Variants in CFAP299 observed in about 807,000 individuals in gnomAD.
CFAP299 encodes the protein cilia and flagella associated protein 299, also known as cilia- and flagella-associated protein 299.
A neutral mutation model predicts 27.0 loss-of-function variants in CFAP299; 21 were observed. The ratio of observed to expected loss-of-function variants is 0.78; its 90% CI spans 0.55 to 1.12. CFAP299 has a LOEUF of 1.12. CFAP299 is among the 50% of genes most tolerant of loss of function. The pLI, the probability that CFAP299 is intolerant of heterozygous loss-of-function variation, is 0.00. For missense variants in CFAP299, 310 were observed against 276.6 expected, an observed-to-expected ratio of 1.12 and a Z score of -0.86; for synonymous variants, 104 against 98.1, an observed-to-expected ratio of 1.06 and a Z score of -0.36.
At chr4:80,765,327 G>C (rs1478177179) in intron 3 of CFAP299, among the ~76,000 whole-genome samples, 4 of 152,122 alleles carry the variant, frequency 2.6e-5, no homozygotes, top group Admixed American at 6.5e-5. Flanking sequence ...TTTATTCAGA[G>C]ATGATATCCA....
At chr4:80,408,037 C>T (rs956833841) in intron 2 of CFAP299, among the ~76,000 whole-genome samples, 3 of 152,144 alleles carry the variant, frequency 2.0e-5, no homozygotes, top group African/African-American at 4.8e-5. Flanking sequence ...CATAGAGTCT[C>T]ACATTTTCTT....
At chr4:80,349,585 A>G (rs1367998935) in intron 1 of CFAP299, among the ~76,000 whole-genome samples, 1 of 152,210 alleles carries the variant, frequency 6.6e-6, no homozygotes, top group Non-Finnish European at 1.5e-5. Flanking sequence ...CCAAGAATAT[A>G]TTAAGAAATA....
At chr4:80,497,328 A>G (rs1731503063) in intron 2 of CFAP299, among the ~76,000 whole-genome samples, 2 of 152,226 alleles carry the variant, frequency 1.3e-5, no homozygotes, top group African/African-American at 4.8e-5. Flanking sequence ...TTTGGTAACT[A>G]GCAAATGACT....
chr4:80,374,244 G>A (rs568176271), intron 2 of CFAP299, among the ~76,000 whole-genome samples: 1 of 152,134 alleles, frequency 6.6e-6, no homozygotes, highest in Non-Finnish European at 1.5e-5. Flanking sequence ...CTAGTCCAAT[G>A]AGTCCCTCTA....
chr4:80,570,084 C>G (rs1393989181), intron 2 of CFAP299, among the ~76,000 whole-genome samples: 2 of 151,818 alleles, frequency 1.3e-5, no homozygotes, highest in Non-Finnish European at 2.9e-5. Flanking sequence ...AAGACAGATA[C>G]ATAAAAACTG....
chr4:80,349,833 T>C (rs1578341618), intron 1 of CFAP299, among the ~76,000 whole-genome samples: 1 of 152,198 alleles, frequency 6.6e-6, no homozygotes, highest in African/African-American at 2.4e-5. Flanking sequence ...ATGATAAAAA[T>C]GGTTGCTACT....
At chr4:80,930,188 A>G (rs1736545852) in intron 4 of CFAP299, among the ~76,000 whole-genome samples, 1 of 152,140 alleles carries the variant, frequency 6.6e-6, no homozygotes, top group African/African-American at 2.4e-5. Flanking sequence ...CCTCTATAAA[A>G]ACCCAAAGGG....
At chr4:80,689,482 A>G (rs1355019892) in intron 3 of CFAP299, among the ~76,000 whole-genome samples, 3 of 152,192 alleles carry the variant, frequency 2.0e-5, no homozygotes, top group African/African-American at 7.2e-5. Context: ...CTTTACAGAC[A>G]AGCAAATGCT....
chr4:80,704,744 C>G (rs755039125), intron 3 of CFAP299, among the ~76,000 whole-genome samples: 5 of 151,776 alleles, frequency 3.3e-5, no homozygotes, highest in African/African-American at 4.8e-5. Flanking sequence ...AATACCAGCT[C>G]TGACTGTTCT....
chr4:80,936,617 G>A (rs575894451), intron 4 of CFAP299, among the ~76,000 whole-genome samples: 35 of 151,998 alleles, frequency 2.3e-4, no homozygotes, highest in South Asian at 4.2e-4. Context: ...GGGGAACAAC[G>A]GACACTGAGA....
At chr4:80,514,903 T>C (rs1473640950) in intron 2 of CFAP299, among the ~76,000 whole-genome samples, 3 of 152,120 alleles carry the variant, frequency 2.0e-5, no homozygotes, top group African/African-American at 7.2e-5. Flanking sequence ...TAATCTGTCT[T>C]ATTTCTAAAT....
At chr4:80,806,778 GA>G (rs1244410044) in intron 3 of CFAP299, among the ~76,000 whole-genome samples, 2 of 152,200 alleles carry the variant, frequency 1.3e-5, no homozygotes, top group South Asian at 4.1e-4. Context: ...GAAGTAGATG[GA>G]GGTGCCACAG....
chr4:80,925,072 A>G (rs1274169698), intron 4 of CFAP299, among the ~76,000 whole-genome samples: 1 of 151,554 alleles, frequency 6.6e-6, no homozygotes, highest in East Asian at 1.9e-4. Context: ...TTATTTTTTA[A>G]TTGTTATGAA....
intron 2 of CFAP299, among the ~76,000 whole-genome samples, chr4:80,569,657 C>T (rs527420410): frequency 3.3e-5 from 5 of 151,832 alleles, no homozygotes; most frequent in South Asian, 2.1e-4. Flanking sequence ...ATACAAATTA[C>T]GTTTTATTTT....
intron 3 of CFAP299, among the ~76,000 whole-genome samples, chr4:80,643,189 A>G (rs1049472256): frequency 6.6e-6 from 1 of 152,144 alleles, no homozygotes; most frequent in African/African-American, 2.4e-5. Context: ...GGAGTGATTG[A>G]CTAGGCCAAA....
chr4:80,526,383 A>G (rs1392691677), intron 2 of CFAP299, among the ~76,000 whole-genome samples: 2 of 152,200 alleles, frequency 1.3e-5, no homozygotes, highest in Admixed American at 6.5e-5. Context: ...TCCACTACCC[A>G]GTTAAAAGAA....
At chr4:80,934,085 G>A (rs895173891) in intron 4 of CFAP299, among the ~76,000 whole-genome samples, 2 of 151,928 alleles carry the variant, frequency 1.3e-5, no homozygotes, top group Non-Finnish European at 2.9e-5. Flanking sequence ...GGCCTTTATT[G>A]TGTTGAAGTG....
chr4:80,929,621 C>T (rs1736499885), intron 4 of CFAP299, among the ~76,000 whole-genome samples: 1 of 152,000 alleles, frequency 6.6e-6, no homozygotes, highest in Admixed American at 6.6e-5. Flanking sequence ...ATCATTTTTC[C>T]ATTCTAGCCT....
intron 3 of CFAP299, among the ~76,000 whole-genome samples, chr4:80,594,784 G>A (rs1736975372): frequency 6.6e-6 from 1 of 152,062 alleles, no homozygotes; most frequent in Non-Finnish European, 1.5e-5. Flanking sequence ...CACATCACAA[G>A]ATTTTTCTCA....
Sources: gnomAD v4.1 joint callset for allele counts (sites outside exome capture counted in the v4.1 genomes callset) on GRCh38, gnomAD v4.1.1 for gene constraint, MANE v1.5 for transcripts, NCBI Gene and HGNC (gene_info 2026-07-23, HGNC 2026-07-21) for gene names.